The following SLC4A10 variants were observed in gnomAD, a reference collection of about 807,000 sequenced individuals.
The protein encoded by SLC4A10 is solute carrier family 4 member 10, also known as sodium-driven chloride bicarbonate exchanger.
In SLC4A10, 42 loss-of-function variants were observed where a neutral mutation model predicts 137.7. The observed-to-expected ratio is 0.30, with a 90% CI of 0.24 to 0.39. The LOEUF (loss-of-function observed/expected upper bound fraction) is 0.39, where lower values mean the gene tolerates loss of function less well. SLC4A10 is among the 10% of genes least tolerant of loss of function. SLC4A10 has a pLI of 1.00. For synonymous variants in SLC4A10, 474 were observed against 464.1 expected, an observed-to-expected ratio of 1.02 and a Z score of -0.27; for missense variants, 925 against 1,355.0, an observed-to-expected ratio of 0.68 and a Z score of 4.98.
chr2:161,967,630 T>TTGGTA (rs1697833274), intron 23 of SLC4A10, among the ~76,000 whole-genome samples: 1 of 152,152 alleles, frequency 6.6e-6, no homozygotes, highest in South Asian at 2.1e-4. Flanking sequence ...CACCAGAAAT[T>TTGGTA]TGGTAATTCA....
chr2:161,896,329 G>A (rs2105244374), intron 11 of SLC4A10, among the ~76,000 whole-genome samples: 1 of 152,076 alleles, frequency 6.6e-6, no homozygotes, highest in African/African-American at 2.4e-5. Flanking sequence ...TTGTAGTATA[G>A]TTTGAAGTCA....
At chr2:161,685,611 AAAACAAAC>A (rs143002118) in intron 1 of SLC4A10, among the ~76,000 whole-genome samples, 8 of 145,250 alleles carry the variant, frequency 5.5e-5, no homozygotes, top group African/African-American at 1.3e-4. Flanking sequence ...CTGTCTCAGA[AAAACAAAC>A]AAACAAACAA....
chr2:161,784,807 T>C (rs1225442622), intron 2 of SLC4A10, among the ~76,000 whole-genome samples: 1 of 150,536 alleles, frequency 6.6e-6, no homozygotes, highest in Non-Finnish European at 1.5e-5. Flanking sequence ...AAGACAGATC[T>C]CAAATTTGCA....
intron 1 of SLC4A10, among the ~76,000 whole-genome samples, chr2:161,648,736 T>C (rs1285258103): frequency 1.3e-5 from 2 of 152,194 alleles, no homozygotes; most frequent in African/African-American, 2.4e-5. Flanking sequence ...ATCATACTAT[T>C]GCTTTATAAA....
intron 19 of SLC4A10, among the ~76,000 whole-genome samples, chr2:161,952,767 T>C (rs546690835): frequency 6.6e-6 from 1 of 152,318 alleles, no homozygotes. Flanking sequence ...TGAACCCCTA[T>C]TGGGCCTATA....
intron 1 of SLC4A10, among the ~76,000 whole-genome samples, chr2:161,704,528 T>C (rs2043451247): frequency 6.6e-6 from 1 of 151,600 alleles, no homozygotes; most frequent in African/African-American, 2.4e-5. Context: ...AGAAACTAGT[T>C]TCTATTTTTA....
At chr2:161,648,233 A>G (rs10803781) in intron 1 of SLC4A10, among the ~76,000 whole-genome samples, 132,296 of 151,884 alleles carry the variant, frequency 0.87, 58,243 homozygotes, top group East Asian at 1. Flanking sequence ...GTGAAATGGC[A>G]GCATTCTCTT....
At chr2:161,703,888 T>C (rs1484518128) in intron 1 of SLC4A10, among the ~76,000 whole-genome samples, 1 of 151,620 alleles carries the variant, frequency 6.6e-6, no homozygotes, top group Non-Finnish European at 1.5e-5. Context: ...ACAGGCAGCA[T>C]TGATTATTTG....
At chr2:161,799,673 C>T (rs768512535) in intron 2 of SLC4A10, among the ~76,000 whole-genome samples, 56 of 151,966 alleles carry the variant, frequency 3.7e-4, no homozygotes, top group Admixed American at 9.9e-4. Context: ...TTATATTTAT[C>T]GTATTAGCTC....
intron 3 of SLC4A10, among the ~76,000 whole-genome samples, 159 bp downstream of exon 3, chr2:161,804,754 C>T (rs531316579): frequency 2.0e-5 from 3 of 152,142 alleles, no homozygotes; most frequent in East Asian, 1.9e-4. Context: ...AAAGCTTGAT[C>T]TTTGTTTTTC....
intron 1 of SLC4A10, among the ~76,000 whole-genome samples, chr2:161,749,542 A>C (rs2048732277): frequency 6.6e-6 from 1 of 151,934 alleles, no homozygotes; most frequent in South Asian, 2.1e-4. Flanking sequence ...TATTCTGCTA[A>C]TGTGATATAT....
At chr2:161,697,132 C>T (rs866648586) in intron 1 of SLC4A10, among the ~76,000 whole-genome samples, 87 of 152,132 alleles carry the variant, frequency 5.7e-4, no homozygotes, top group Middle Eastern at 3.4e-3. Context: ...TCATATCCTT[C>T]GCCCACTTTT....
intron 10 of SLC4A10, among the ~76,000 whole-genome samples, chr2:161,890,234 C>T (rs781613973): frequency 5.9e-5 from 9 of 151,982 alleles, no homozygotes; most frequent in African/African-American, 1.4e-4. Context: ...AGAATAAGTG[C>T]GATGCGGTGC....
At chr2:161,660,581 TTTCTTTCTTTC>T (rs1344951342) in intron 1 of SLC4A10, among the ~76,000 whole-genome samples, 161 of 131,424 alleles carry the variant, frequency 1.2e-3, no homozygotes, top group Non-Finnish European at 2.1e-3. Flanking sequence ...TCTTTCTTTC[TTTCTTTCTTTC>T]TTTCTTTCTT....
chr2:161,852,154 GTACCATAGTTC>G (rs992448665), intron 4 of SLC4A10, among the ~76,000 whole-genome samples: 31 of 152,172 alleles, frequency 2.0e-4, no homozygotes, highest in African/African-American at 7.2e-4. Context: ...ATGACAGAAA[GTACCATAGTTC>G]TAGAAACCTT....
At chr2:161,946,205 T>A (rs1693771402) in intron 16 of SLC4A10, among the ~76,000 whole-genome samples, 1 of 152,004 alleles carries the variant, frequency 6.6e-6, no homozygotes, top group Non-Finnish European at 1.5e-5. Context: ...GAATTTAACT[T>A]TGCCTATCAA....
In SLC4A10 at chr2:161,804,588, T is replaced by A. The variant is rs1175615658; in HGVS notation, c.270T>A (p.Pro90=). 1.2e-6 allele frequency: 2 copies of A among 1,608,640 alleles called. No homozygotes were observed. ...GATTAGAGGATGGAAGGGAGTCACC[T>A]TCTTTTGGTAAGAATCCTTCTCCTT... ...DSGLEDGRES[P]SFDTPSQRVQ... Residue 90 remains proline, a synonymous_variant, in exon 3 of 27, where the codon CCT becomes CCA. Transcript: ENST00000446997.
intron 1 of SLC4A10, among the ~76,000 whole-genome samples, chr2:161,656,128 C>T (rs1252357013): frequency 1.3e-5 from 2 of 152,104 alleles, no homozygotes; most frequent in Admixed American, 6.6e-5. Flanking sequence ...TCTTTTAATA[C>T]ATCATGACTG....
intron 11 of SLC4A10, among the ~76,000 whole-genome samples, chr2:161,895,245 A>G (rs1465275708): frequency 6.6e-6 from 1 of 152,082 alleles, no homozygotes; most frequent in Non-Finnish European, 1.5e-5. Flanking sequence ...ATGTGAACTC[A>G]TCATTTTTAT....
Sources: gnomAD v4.1 joint callset for allele counts (sites outside exome capture counted in the v4.1 genomes callset) on GRCh38, gnomAD v4.1.1 for gene constraint, MANE v1.5 for transcripts, NCBI Gene and HGNC (gene_info 2026-07-23, HGNC 2026-07-21) for gene names.